The following ROBO2 variants were observed in gnomAD, a reference collection of about 807,000 sequenced individuals.
ROBO2 encodes roundabout guidance receptor 2, also known as roundabout homolog 2.
ROBO2 carries 53 observed loss-of-function variants against 160.8 expected under a neutral mutation model. The observed-to-expected ratio is 0.33, with a 90% CI of 0.26 to 0.41. The LOEUF is 0.41. Ranked by LOEUF, ROBO2 falls within the 10% of genes least tolerant of loss-of-function variation. The probability of loss-of-function intolerance (pLI) is 1.00; values close to 1 mark genes in which losing one functional copy is unlikely to be tolerated. For synonymous variants in ROBO2, 664 were observed against 611.7 expected, an observed-to-expected ratio of 1.09 and a Z score of -1.26; for missense variants, 1,577 against 1,722.4, an observed-to-expected ratio of 0.92 and a Z score of 1.49.
At chr3:76,401,132 T>C (rs992801166) in intron 2 of ROBO2, among the ~76,000 whole-genome samples, 1 of 151,592 alleles carries the variant, frequency 6.6e-6, no homozygotes, top group African/African-American at 2.4e-5. Context: ...GTGGAACATA[T>C]GCTCCTATAA....
At chr3:77,077,957 A>G (rs2068186093) in intron 1 of ROBO2, among the ~76,000 whole-genome samples, 1 of 152,078 alleles carries the variant, frequency 6.6e-6, no homozygotes, top group African/African-American at 2.4e-5. Flanking sequence ...CCTCCTTGGC[A>G]CTCAAGTCTG....
chr3:77,143,671 A>G (rs2076901559), intron 2 of ROBO2, among the ~76,000 whole-genome samples: 1 of 152,074 alleles, frequency 6.6e-6, no homozygotes. Context: ...TTCATTTTTA[A>G]CCTAAGTAGA....
At position 77,261,051 on chromosome 3, in the gene ROBO2, G is replaced by A. The variant is rs558593350; in HGVS notation, c.388+162711G>A. Among the ~76,000 whole-genome samples the A allele has an allele frequency of 9.9e-5, 15 of 152,242 alleles. No homozygotes were observed. In the East Asian group the frequency reaches 2.3e-3, roughly 24 times the overall value. On this transcript the variant is annotated intron_variant, in intron 2 of 25. Coordinates refer to ENST00000461745, the Ensembl canonical transcript of ROBO2. The stretch of plus-strand genomic sequence containing the variant: ...CAAAATTAGGCATTCCCAGGCTCAC[G>A]GTTTCTAATCAATCAGCCTGTCACG...
intron 2 of ROBO2, among the ~76,000 whole-genome samples, chr3:76,345,807 C>G (rs527301454): frequency 6.6e-6 from 1 of 151,656 alleles, no homozygotes; most frequent in African/African-American, 2.4e-5. Flanking sequence ...ATGAAATTTC[C>G]TTTCATATAT....
intron 18 of ROBO2, 137 bp downstream of exon 19, chr3:77,595,321 C>T: frequency 8.6e-6 from 6 of 696,386 alleles, no homozygotes; most frequent in Non-Finnish European, 1.5e-5. Context: ...TGGCTTACCA[C>T]AAAGTTTAAT....
intron 2 of ROBO2, among the ~76,000 whole-genome samples, chr3:76,912,723 T>C (rs1273946635): frequency 6.6e-6 from 1 of 152,192 alleles, no homozygotes; most frequent in African/African-American, 2.4e-5. Flanking sequence ...AATTTATAGA[T>C]AAAATTTCCG....
At chr3:77,185,264 G>A (rs1231296549) in intron 2 of ROBO2, among the ~76,000 whole-genome samples, 1 of 152,106 alleles carries the variant, frequency 6.6e-6, no homozygotes, top group East Asian at 1.9e-4. Flanking sequence ...TATAGATAAA[G>A]TGGAGAATTA....
At chr3:76,099,839 G>A (rs965335930) in intron 2 of ROBO2, among the ~76,000 whole-genome samples, 1 of 152,172 alleles carries the variant, frequency 6.6e-6, no homozygotes, top group Non-Finnish European at 1.5e-5. Flanking sequence ...AACGGCAAGT[G>A]CAGAAATTAC....
chr3:77,596,795 C>T (rs1583183299), intron 19 of ROBO2, 45 bp downstream of exon 20: 14 of 1,413,364 alleles, frequency 9.9e-6, no homozygotes, highest in African/African-American at 1.5e-5. Context: ...TTCTCTCTCT[C>T]TTTTTTTTTT....
intron 17 of ROBO2, among the ~76,000 whole-genome samples, chr3:77,591,073 C>T (rs1288599183): frequency 6.6e-6 from 1 of 151,984 alleles, no homozygotes; most frequent in Non-Finnish European, 1.5e-5. Context: ...TAAATATAAA[C>T]AATTTAATAT....
chr3:76,350,832 A>G lies in ROBO2; in HGVS notation c.109+413230A>G, dbSNP rs189272774. Among the ~76,000 whole-genome samples, 266 of 152,090 alleles carry G rather than the reference A, an allele frequency of 1.7e-3. 6 individuals are homozygous for G. The highest frequency in any genetic ancestry group is 1.8e-4 in the Non-Finnish European group (12 of 67,936). On this transcript the variant is annotated intron_variant, in intron 2 of 26. Coordinates refer to the ROBO2 transcript ENST00000487694. ...TCCTTTTTCTGTTTAGTTTTTATAG[A>G]CATTTTTTCATGAAGACAAACACTG...
intron 2 of ROBO2, among the ~76,000 whole-genome samples, chr3:77,407,613 A>G (rs1322552790): frequency 6.6e-6 from 1 of 152,184 alleles, no homozygotes. Flanking sequence ...CGTTTACTTT[A>G]TGTATCAGGA....
rs114451521 is a variant in ROBO2, at chr3:76,377,907, A to G, written c.109+440305A>G. On this transcript the variant is annotated intron_variant, in intron 2 of 26. Transcript: ENST00000487694. The stretch of plus-strand genomic sequence containing the variant: ...ATCAGTATCGGTTTTCTAGGATTGA[A>G]CTCAGTGGCATGTAATTTGGTTCCT... 2.3e-3 allele frequency among the ~76,000 whole-genome samples: 350 copies of G among 152,232 alleles called. 2 individuals are homozygous for G. The highest frequency in any genetic ancestry group is 4.5e-3 in the Admixed American group (69 of 15,282).
At chr3:77,535,094 C>T (rs1198567080) in intron 6 of ROBO2, among the ~76,000 whole-genome samples, 2 of 152,104 alleles carry the variant, frequency 1.3e-5, no homozygotes, top group African/African-American at 2.4e-5. Flanking sequence ...ACTTACTAAG[C>T]GTGTAATTAA....
chr3:76,481,526 A>G (rs984316692), intron 2 of ROBO2, among the ~76,000 whole-genome samples: 1 of 152,180 alleles, frequency 6.6e-6, no homozygotes, highest in Non-Finnish European at 1.5e-5. Context: ...GCATATCTCA[A>G]TAAATGAATG....
intron 2 of ROBO2, among the ~76,000 whole-genome samples, chr3:76,061,725 G>A (rs2068074544): frequency 6.6e-6 from 1 of 152,036 alleles, no homozygotes; most frequent in Admixed American, 6.6e-5. Context: ...ATGGCTTGGT[G>A]GCTAAAACCC....
intron 6 of ROBO2, among the ~76,000 whole-genome samples, chr3:77,543,794 G>A (rs1405967875): frequency 6.6e-6 from 1 of 152,044 alleles, no homozygotes; most frequent in East Asian, 1.9e-4. Flanking sequence ...GGACTCTAAG[G>A]TTTTACTAAC....
rs62251209 is a variant in ROBO2, at chr3:77,308,748, G to A, written c.389-168666G>A. 4.4e-3 allele frequency among the ~76,000 whole-genome samples: 677 copies of A among 152,178 alleles called. 3 individuals are homozygous for A. Among genetic ancestry groups the A allele is most frequent in the Middle Eastern group, 0.014 (4 of 294 alleles). On this transcript the variant is annotated intron_variant, in intron 2 of 25. Coordinates refer to ENST00000461745, the Ensembl canonical transcript of ROBO2. ...CCTCTATTGTGCACAGAATTTGTAG[G>A]TTACTTGGACATACTGTATTTCTCT... is the stretch of plus-strand genomic sequence containing the variant.
At chr3:76,524,826 TAAAAAAA>T (rs58091252) in intron 2 of ROBO2, among the ~76,000 whole-genome samples, 747 of 21,152 alleles carry the variant, frequency 0.035, 1 homozygote, top group Non-Finnish European at 0.044. Context: ...CTCTTATTCC[TAAAAAAA>T]AAAAAAAAAA....
Sources: allele counts gnomAD v4.1 joint callset (sites outside exome capture counted in the v4.1 genomes callset), GRCh38; gene constraint gnomAD v4.1.1; transcripts MANE v1.5; gene names NCBI Gene and HGNC (gene_info 2026-07-23, HGNC 2026-07-21).